ROBO2: variants seen among roughly 807,000 people sequenced by gnomAD.
ROBO2 encodes roundabout guidance receptor 2, also known as roundabout homolog 2.
Under a neutral mutation model 160.8 loss-of-function variants are expected in ROBO2, and 53 were observed. The observed-to-expected ratio is 0.33, with a 90% CI of 0.26 to 0.41. The LOEUF is 0.41. ROBO2 is among the 10% of genes least tolerant of loss of function. ROBO2 has a pLI of 1.00. For synonymous variants in ROBO2, 664 were observed against 611.7 expected (o/e 1.09, Z -1.26); for missense variants, 1,577 against 1,722.4 (o/e 0.92, Z 1.49).
chr3:76,445,475 T>C (rs1009876209), intron 2 of ROBO2, among the ~76,000 whole-genome samples: 6 of 152,212 alleles, frequency 3.9e-5, no homozygotes, highest in Non-Finnish European at 5.9e-5. Context: ...GTGGAGCTGG[T>C]ACCATTCCTT....
intron 2 of ROBO2, among the ~76,000 whole-genome samples, chr3:76,059,910 C>G (rs748157385): frequency 1.3e-5 from 2 of 152,082 alleles, no homozygotes; most frequent in African/African-American, 4.8e-5. Context: ...ATAGGGAATC[C>G]TTTCCCCATT....
chr3:77,091,349 A>T (rs1395912947), intron 1 of ROBO2, among the ~76,000 whole-genome samples: 2 of 152,136 alleles, frequency 1.3e-5, no homozygotes, highest in Admixed American at 1.3e-4. Flanking sequence ...ACTAAACTTA[A>T]CCATATTCAT....
intron 2 of ROBO2, among the ~76,000 whole-genome samples, chr3:76,063,050 T>C (rs2068119216): frequency 6.6e-6 from 1 of 152,192 alleles, no homozygotes; most frequent in African/African-American, 2.4e-5. Context: ...GATTCATTCA[T>C]TCTAAAAGCC....
intron 2 of ROBO2, among the ~76,000 whole-genome samples, chr3:76,905,710 A>C (rs143059511): frequency 6.6e-6 from 1 of 152,170 alleles, no homozygotes; most frequent in Non-Finnish European, 1.5e-5. Context: ...AAATATAATG[A>C]GAATCTTTTG....
At chr3:76,916,363 A>G (rs1209466506) in intron 2 of ROBO2, among the ~76,000 whole-genome samples, 1 of 151,958 alleles carries the variant, frequency 6.6e-6, no homozygotes, top group Non-Finnish European at 1.5e-5. Context: ...TTTTTTGGAG[A>G]CAGGGTCTTG....
chr3:77,061,957 T>G (rs992742041), intron 1 of ROBO2, among the ~76,000 whole-genome samples: 9 of 152,172 alleles, frequency 5.9e-5, no homozygotes, highest in Admixed American at 2.6e-4. Context: ...TCTTTCTTTT[T>G]TTTCCCTTTG....
intron 2 of ROBO2, among the ~76,000 whole-genome samples, chr3:76,267,286 A>G (rs962170016): frequency 6.6e-6 from 1 of 152,188 alleles, no homozygotes; most frequent in Non-Finnish European, 1.5e-5. Context: ...TTTAAGATAA[A>G]TGCTTTTATA....
chr3:77,064,903 C>G (rs2066689074), intron 1 of ROBO2, among the ~76,000 whole-genome samples: 2 of 151,946 alleles, frequency 1.3e-5, no homozygotes, highest in South Asian at 4.1e-4. Context: ...TTGATGGCCA[C>G]CAAGGAATAT....
At chr3:76,215,628 T>A (rs1416199427) in intron 2 of ROBO2, among the ~76,000 whole-genome samples, 2 of 151,984 alleles carry the variant, frequency 1.3e-5, no homozygotes, top group African/African-American at 4.8e-5. Context: ...TAAAAAGAAA[T>A]GAACAAAGAC....
chr3:76,012,614 C>T (rs2066225975), intron 2 of ROBO2, among the ~76,000 whole-genome samples: 1 of 151,762 alleles, frequency 6.6e-6, no homozygotes, highest in Non-Finnish European at 1.5e-5. Context: ...ATATTTGTGA[C>T]TGGAAGCTTT....
chr3:76,299,710 G>A lies in ROBO2; in HGVS notation c.109+362108G>A, dbSNP rs563022503. On this transcript the variant is annotated intron_variant, in intron 2 of 26. Coordinates refer to the ROBO2 transcript ENST00000487694. The stretch of plus-strand genomic sequence containing the variant: ...ACTGTTGCAATAAAAGGTGAGAGAT[G>A]TTAGTGGCTCAGACCAGGGTGAGAA... 7.0e-4 allele frequency among the ~76,000 whole-genome samples: 107 copies of A among 152,252 alleles called. 1 individual carries two copies. In the South Asian group the frequency reaches 0.018, roughly 26 times the overall value.
chr3:76,580,342 G>GTTTTTTTTTTGTTTTTTTT (rs2085604163), intron 2 of ROBO2, among the ~76,000 whole-genome samples: 1 of 90,562 alleles, frequency 1.1e-5, no homozygotes, highest in Non-Finnish European at 2.1e-5. Context: ...TTTTTTTTGT[G>GTTTTTTTTTTGTTTTTTTT]TTTTTTTTTT....
chr3:76,861,032 A>G (rs542015517), intron 2 of ROBO2, among the ~76,000 whole-genome samples: 1 of 152,134 alleles, frequency 6.6e-6, no homozygotes, highest in African/African-American at 2.4e-5. Context: ...GCGACCTCCA[A>G]AATTTCCATC....
chr3:76,822,353 C>A (rs888050517), intron 2 of ROBO2, among the ~76,000 whole-genome samples: 3 of 151,846 alleles, frequency 2.0e-5, no homozygotes, highest in Admixed American at 6.6e-5. Flanking sequence ...AAAAGTTAAC[C>A]AAATTATTCC....
intron 2 of ROBO2, among the ~76,000 whole-genome samples, chr3:77,109,896 C>T (rs1467166170): frequency 6.6e-6 from 1 of 152,098 alleles, no homozygotes; most frequent in African/African-American, 2.4e-5. Flanking sequence ...GTATTTTACC[C>T]AGAAACAGTT....
intron 2 of ROBO2, among the ~76,000 whole-genome samples, chr3:76,826,229 T>C (rs2066576974): frequency 6.6e-6 from 1 of 152,152 alleles, no homozygotes; most frequent in African/African-American, 2.4e-5. Context: ...ATTTGAAATC[T>C]TCAAGCATGG....
At chr3:76,319,373 C>T (rs974775058) in intron 2 of ROBO2, among the ~76,000 whole-genome samples, 1 of 152,042 alleles carries the variant, frequency 6.6e-6, no homozygotes, top group Non-Finnish European at 1.5e-5. Flanking sequence ...CTATCGAAGA[C>T]ACTTGAAAAA....
At chr3:77,582,721 ATG>A (rs1414522282) in intron 16 of ROBO2, among the ~76,000 whole-genome samples, 3 of 151,904 alleles carry the variant, frequency 2.0e-5, no homozygotes, top group Non-Finnish European at 4.4e-5. Flanking sequence ...TTTTACTTCT[ATG>A]TAATAAACAG....
chr3:76,532,624 G>A (rs1026075139), intron 2 of ROBO2, among the ~76,000 whole-genome samples: 5 of 152,068 alleles, frequency 3.3e-5, no homozygotes, highest in Admixed American at 2.6e-4. Flanking sequence ...TCTCAAATTA[G>A]GCAACCGTTC....
Sources: allele counts gnomAD v4.1 joint callset (sites outside exome capture counted in the v4.1 genomes callset), GRCh38; gene constraint gnomAD v4.1.1; transcripts MANE v1.5; gene names NCBI Gene and HGNC (gene_info 2026-07-23, HGNC 2026-07-21).